LYPLAL1: variants seen among roughly 807,000 people sequenced by gnomAD.
LYPLAL1 encodes the protein lysophospholipase-like protein 1.
A neutral mutation model predicts 19.7 loss-of-function variants in LYPLAL1; 23 were observed. That is an observed-to-expected ratio of 1.17 (90% confidence interval 0.84 to 1.65). The LOEUF (loss-of-function observed/expected upper bound fraction) is 1.65. LYPLAL1 is among the 40% of genes most tolerant of loss of function. LYPLAL1 has a pLI of 0.00. For synonymous variants in LYPLAL1, 119 were observed against 96.3 expected (o/e 1.24, Z -1.38); for missense variants, 355 against 279.4 (o/e 1.27, Z -1.93).
At chr1:219,431,166 G>A in the LYPLAL1 span, among the ~76,000 whole-genome samples, 1 of 152,204 alleles carries the variant, frequency 6.6e-6, no homozygotes, top group Non-Finnish European at 1.5e-5. Flanking sequence ...AATCCACACA[G>A]TATGAAGGAT....
chr1:219,321,060 G>A, the LYPLAL1 span, among the ~76,000 whole-genome samples: 17 of 152,166 alleles, frequency 1.1e-4, no homozygotes, highest in Admixed American at 3.9e-4. Flanking sequence ...CCCACCAACC[G>A]TGTAAAAGCG....
At chr1:219,229,570 C>A in the LYPLAL1 span, among the ~76,000 whole-genome samples, 13 of 152,318 alleles carry the variant, frequency 8.5e-5, no homozygotes, top group East Asian at 1.9e-3. Context: ...TCTGTCCTAG[C>A]GACAAGGTAC....
the LYPLAL1 span, among the ~76,000 whole-genome samples, chr1:219,278,032 A>G: frequency 6.6e-6 from 1 of 152,224 alleles, no homozygotes; most frequent in East Asian, 1.9e-4. Flanking sequence ...CACAATTTCA[A>G]AAATTGTTTT....
At chr1:219,287,647 T>C in the LYPLAL1 span, among the ~76,000 whole-genome samples, 1 of 152,132 alleles carries the variant, frequency 6.6e-6, no homozygotes, top group Non-Finnish European at 1.5e-5. Flanking sequence ...GAAGGCAAAA[T>C]GGAGGAGCTA....
chr1:219,194,683 C>A (rs1657465463), intron 3 of LYPLAL1, among the ~76,000 whole-genome samples: 1 of 151,948 alleles, frequency 6.6e-6, no homozygotes, highest in Non-Finnish European at 1.5e-5. Context: ...CTCAGGAAAT[C>A]TATAACAAAT....
the LYPLAL1 span, among the ~76,000 whole-genome samples, chr1:219,390,785 A>G: frequency 6.6e-6 from 1 of 152,084 alleles, no homozygotes; most frequent in African/African-American, 2.4e-5. Flanking sequence ...TAAATTTGTT[A>G]CCTTTTTATC....
chr1:219,433,223 G>A, the LYPLAL1 span, among the ~76,000 whole-genome samples: 2 of 152,134 alleles, frequency 1.3e-5, no homozygotes, highest in African/African-American at 2.4e-5. Flanking sequence ...GTGAGAAAGC[G>A]GGAGGACTGG....
At chr1:219,397,535 G>A in the LYPLAL1 span, among the ~76,000 whole-genome samples, 20,531 of 152,030 alleles carry the variant, frequency 0.14, 1,748 homozygotes, top group East Asian at 0.28. Flanking sequence ...CCTTTAATTG[G>A]GGCATTAGCT....
chr1:219,434,772 C>A, the LYPLAL1 span, among the ~76,000 whole-genome samples: 2 of 152,128 alleles, frequency 1.3e-5, no homozygotes, highest in Non-Finnish European at 2.9e-5. Context: ...ATTAGAAGAG[C>A]ATTGACTTGC....
chr1:219,252,472 T>C, the LYPLAL1 span, among the ~76,000 whole-genome samples: 2 of 152,102 alleles, frequency 1.3e-5, no homozygotes, highest in East Asian at 3.9e-4. Context: ...CCTAGTTTAT[T>C]GAGAGTTTAT....
the LYPLAL1 span, among the ~76,000 whole-genome samples, chr1:219,392,371 T>C: frequency 6.6e-6 from 1 of 152,320 alleles, no homozygotes; most frequent in South Asian, 2.1e-4. Flanking sequence ...CCTTCCATCC[T>C]CCTCATTTGT....
chr1:219,368,278 CCCAAAAA>C, the LYPLAL1 span, among the ~76,000 whole-genome samples: 1 of 152,094 alleles, frequency 6.6e-6, no homozygotes, highest in Non-Finnish European at 1.5e-5. Flanking sequence ...CTTTGGTAGT[CCCAAAAA>C]CCACAACTAC....
At chr1:219,392,979 G>C in the LYPLAL1 span, among the ~76,000 whole-genome samples, 1 of 152,196 alleles carries the variant, frequency 6.6e-6, no homozygotes, top group East Asian at 1.9e-4. Context: ...ATTTAATTTA[G>C]GTATTTTTGC....
chr1:219,387,153 C>G, the LYPLAL1 span, among the ~76,000 whole-genome samples: 1 of 152,168 alleles, frequency 6.6e-6, no homozygotes, highest in Non-Finnish European at 1.5e-5. Context: ...CCAAATATAA[C>G]ATTTTACATT....
chr1:219,339,042 A>G, the LYPLAL1 span, among the ~76,000 whole-genome samples: 1 of 151,934 alleles, frequency 6.6e-6, no homozygotes, highest in Non-Finnish European at 1.5e-5. Flanking sequence ...TTAGGGTCAG[A>G]GATAATCTAG....
chr1:219,440,193 AAG>A, the LYPLAL1 span, among the ~76,000 whole-genome samples: 1 of 151,778 alleles, frequency 6.6e-6, no homozygotes, highest in Non-Finnish European at 1.5e-5. Context: ...AGCCTACAAA[AAG>A]AAAAAAATAT....
intron 3 of LYPLAL1, among the ~76,000 whole-genome samples, chr1:219,199,407 T>C (rs1411913169): frequency 1.3e-5 from 2 of 152,068 alleles, no homozygotes; most frequent in Non-Finnish European, 2.9e-5. Flanking sequence ...CAAGTAAGCA[T>C]GATCAAACCT....
the LYPLAL1 span, among the ~76,000 whole-genome samples, chr1:219,439,366 G>A: frequency 1.0e-3 from 154 of 152,072 alleles, 1 homozygote; most frequent in South Asian, 2.9e-3. Flanking sequence ...TCATAACCAG[G>A]GTGCTGATGT....
chr1:219,358,337 A>T, the LYPLAL1 span, among the ~76,000 whole-genome samples: 1 of 152,208 alleles, frequency 6.6e-6, no homozygotes, highest in Non-Finnish European at 1.5e-5. Context: ...CTGCACAAGT[A>T]CTGTACTCTA....
Sources: allele counts gnomAD v4.1 joint callset (sites outside exome capture counted in the v4.1 genomes callset), GRCh38; gene constraint gnomAD v4.1.1; transcripts MANE v1.5; gene names NCBI Gene and HGNC (gene_info 2026-07-23, HGNC 2026-07-21).